Variants in RBFOX3 observed in about 807,000 individuals in gnomAD.
The protein encoded by RBFOX3 is RNA binding protein fox-1 homolog 3.
RBFOX3 carries 17 observed loss-of-function variants against 48.7 expected under a neutral mutation model. The observed-to-expected ratio is 0.35, with a 90% CI of 0.24 to 0.52. The LOEUF (loss-of-function observed/expected upper bound fraction) is 0.52. RBFOX3 is among the 20% of genes least tolerant of loss of function. RBFOX3 has a pLI of 0.94. For missense variants in RBFOX3, 382 were observed against 497.5 expected, an observed-to-expected ratio of 0.77 and a Z score of 2.21; for synonymous variants, 212 against 209.5, an observed-to-expected ratio of 1.01 and a Z score of -0.10.
At chr17:79,527,206 C>A (rs1270021115) in intron 1 of RBFOX3, among the ~76,000 whole-genome samples, 1 of 152,276 alleles carries the variant, frequency 6.6e-6, no homozygotes, top group Non-Finnish European at 1.5e-5. Flanking sequence ...TCTGCACCTG[C>A]GGATGCAGAG....
chr17:79,538,139 C>T (rs546234413), intron 1 of RBFOX3, among the ~76,000 whole-genome samples: 1 of 152,346 alleles, frequency 6.6e-6, no homozygotes, highest in South Asian at 2.1e-4. Flanking sequence ...CAAACACAAA[C>T]CCCCAAAACT....
chr17:79,564,065 T>C (rs1309336088), intron 1 of RBFOX3, among the ~76,000 whole-genome samples: 7 of 152,212 alleles, frequency 4.6e-5, no homozygotes, highest in African/African-American at 9.6e-5. Context: ...ATGGAGGACC[T>C]GCAGCTTCTT....
At chr17:79,381,883 C>T (rs1234153916) in intron 2 of RBFOX3, among the ~76,000 whole-genome samples, 7 of 152,186 alleles carry the variant, frequency 4.6e-5, no homozygotes, top group African/African-American at 1.7e-4. Flanking sequence ...GAACCAGCCT[C>T]TCAGCGGGGC....
At chr17:79,412,107 T>C (rs531448598) in intron 2 of RBFOX3, among the ~76,000 whole-genome samples, 80 of 152,070 alleles carry the variant, frequency 5.3e-4, no homozygotes, top group Non-Finnish European at 8.7e-4. Context: ...GGGTGGTGTG[T>C]GTATATAAAT....
intron 2 of RBFOX3, among the ~76,000 whole-genome samples, chr17:79,412,101 G>T (rs552400504): frequency 1.3e-5 from 2 of 152,030 alleles, no homozygotes; most frequent in South Asian, 4.2e-4. Flanking sequence ...TATGTGGGGT[G>T]GTGTGTGTAT....
Position 79,097,307 on chromosome 17 carries a change from A to G in RBFOX3, c.740T>C (p.Ile247Thr). 6.6e-7 allele frequency: 1 copy of G among 1,520,712 alleles called. No homozygotes were observed. The highest frequency in any genetic ancestry group is 8.8e-7 in the Non-Finnish European group (1 of 1,130,144). 94.2% of individuals were successfully genotyped at this position (1,520,712 alleles called of 1,614,324 possible). ...TFRAAPPPPPIPTYGAALEQT... is the reference protein window; with the variant it reads ...TFRAAPPPPPTPTYGAALEQT... ...AGGTACTCACGCTCCGTAAGTCGGG[A>G]TGGGGGGTGGGGGTGGCGCAGCCCG... Residue 247 changes from isoleucine to threonine, a missense_variant, in exon 11 of 15, where the codon ATC becomes ACC. By Grantham distance (89) the Ile-to-Thr change is moderately conservative. Coordinates refer to ENST00000693108, the MANE Select transcript of RBFOX3 (RefSeq NM_001350451.2).
Position 79,464,391 on chromosome 17 carries a change from G to A in RBFOX3, c.-175+18063C>T, listed in dbSNP as rs575709262. Among the ~76,000 whole-genome samples, 16 of 152,342 alleles carry A rather than the reference G, an allele frequency of 1.1e-4. No individual in the cohort carries two copies. In the South Asian group the frequency reaches 2.1e-3, roughly 20 times the overall value. On this transcript the variant is annotated intron_variant, in intron 2 of 14. Coordinates refer to ENST00000693108, the MANE Select transcript of RBFOX3 (RefSeq NM_001350451.2). Reference sequence around the variant, plus strand: ...GCCCAAGGTGCCGTCCATCAATACCGCCAACTTGGGGAGGATGCCCATCAA... The same window carrying A: ...GCCCAAGGTGCCGTCCATCAATACCACCAACTTGGGGAGGATGCCCATCAA...
the RBFOX3 span, among the ~76,000 whole-genome samples, chr17:79,626,918 C>T: frequency 6.6e-6 from 1 of 152,314 alleles, no homozygotes; most frequent in Non-Finnish European, 1.5e-5. Flanking sequence ...CCTGGAGCCT[C>T]GGTCATGCTC....
chr17:79,197,358 G>A (rs1431833942), intron 4 of RBFOX3, among the ~76,000 whole-genome samples: 2 of 150,914 alleles, frequency 1.3e-5, no homozygotes, highest in Admixed American at 1.3e-4. Flanking sequence ...GACAAACCAG[G>A]AAACAGATAT....
intron 2 of RBFOX3, among the ~76,000 whole-genome samples, chr17:79,370,652 GCTCA>G (rs894702724): frequency 1.3e-5 from 2 of 150,532 alleles, no homozygotes; most frequent in East Asian, 3.9e-4. Flanking sequence ...ACATATGTGT[GCTCA>G]CTCACACAGG....
At chr17:79,608,728 G>A (rs2093896024) in intron 1 of RBFOX3, among the ~76,000 whole-genome samples, 1 of 152,148 alleles carries the variant, frequency 6.6e-6, no homozygotes, top group Admixed American at 6.5e-5. Context: ...GAAGCTGTCA[G>A]CCAGGAAATG....
rs2061196025 is a variant in RBFOX3 at position 79,390,148 on chromosome 17, A to T, written c.-174-82324T>A. On this transcript the variant is annotated intron_variant, in intron 2 of 14. Coordinates refer to ENST00000693108, the MANE Select transcript of RBFOX3 (RefSeq NM_001350451.2). The surrounding 1 kb of genome is among the most constrained non-coding windows in gnomAD (Gnocchi z 4.2). The stretch of plus-strand genomic sequence containing the variant: ...GGGGCTGGGTCCACAGAGGAGGACC[A>T]GCAGCAGTGAAGGGCAAGTCCACAG... Among the ~76,000 whole-genome samples, 1 of 152,246 alleles carries T rather than the reference A, an allele frequency of 6.6e-6. No homozygotes were observed.
rs781809488 is a variant in RBFOX3, at chr17:79,418,563, G to A, written c.-175+63891C>T. Among the ~76,000 whole-genome samples the A allele has an allele frequency of 8.5e-5, 13 of 152,330 alleles. No individual in the cohort carries two copies. Among genetic ancestry groups the A allele is most frequent in the Admixed American group, 6.5e-5 (1 of 15,304 alleles). On this transcript the variant is annotated intron_variant, in intron 2 of 14. Coordinates refer to ENST00000693108, the MANE Select transcript of RBFOX3 (RefSeq NM_001350451.2). This position sits in a 1 kb window ranked among gnomAD's most constrained non-coding sequence, Gnocchi z 5.0. ...CAGACATGTGAAGGTGGTCAGTCGT[G>A]GGGCCAAGTCTCAGGGCAGCATCCC... is the stretch of plus-strand genomic sequence containing the variant.
chr17:79,658,563 T>G, the RBFOX3 span, among the ~76,000 whole-genome samples: 5 of 151,840 alleles, frequency 3.3e-5, no homozygotes, highest in African/African-American at 1.2e-4. Context: ...CCTGCCTGCC[T>G]GGAATAGGCA....
chr17:79,611,169 T>TCTCGCTCTCGCTCTCG (rs2093963785), upstream of RBFOX3, among the ~76,000 whole-genome samples: 26 of 25,906 alleles, frequency 1.0e-3, 4 homozygotes, highest in Non-Finnish European at 2.1e-3. Context: ...TCTCTCTCTC[T>TCTCGCTCTCGCTCTCG]CTCTCCGCCC....
At chr17:79,603,776 A>C (rs902761478) in intron 1 of RBFOX3, 1 of 152,248 alleles carries the variant, frequency 6.6e-6, no homozygotes, top group Non-Finnish European at 1.5e-5. Flanking sequence ...CAGCGGCTTT[A>C]CATAGATCGC....
intron 2 of RBFOX3, among the ~76,000 whole-genome samples, chr17:79,348,835 C>T (rs1240505742): frequency 6.6e-6 from 1 of 151,904 alleles, no homozygotes; most frequent in African/African-American, 2.4e-5. Flanking sequence ...CTCGGCCTCC[C>T]AAAGTGCTGG....
intron 4 of RBFOX3, among the ~76,000 whole-genome samples, chr17:79,156,218 TCACC>T (rs989023385): frequency 5.9e-5 from 9 of 152,006 alleles, no homozygotes; most frequent in African/African-American, 2.2e-4. Flanking sequence ...CCAAGAGAGG[TCACC>T]CAGAGAGAAA....
intron 3 of RBFOX3, among the ~76,000 whole-genome samples, chr17:79,302,357 G>A (rs975991239): frequency 2.6e-5 from 4 of 152,200 alleles, no homozygotes; most frequent in African/African-American, 7.2e-5. Context: ...CCACCCAAAT[G>A]TTTCTGGTTC....
Sources: allele counts gnomAD v4.1 joint callset (sites outside exome capture counted in the v4.1 genomes callset), GRCh38; gene constraint gnomAD v4.1.1; non-coding constraint Gnocchi (gnomAD v3.1); transcripts MANE v1.5; gene names NCBI Gene and HGNC (gene_info 2026-07-23, HGNC 2026-07-21).